Variants in GNAI2 observed in about 807,000 individuals in gnomAD.
The protein encoded by GNAI2 is guanine nucleotide-binding protein G(i) subunit alpha-2.
A neutral mutation model predicts 36.8 loss-of-function variants in GNAI2; 4 were observed. The observed-to-expected ratio is 0.11, with a 90% CI of 0.05 to 0.25. The LOEUF (loss-of-function observed/expected upper bound fraction) is 0.25, where lower values mean the gene tolerates loss of function less well. Ranked by LOEUF, GNAI2 falls within the 10% of genes least tolerant of loss-of-function variation. The pLI, the probability that GNAI2 is intolerant of heterozygous loss-of-function variation, is 1.00. For missense variants in GNAI2, 230 were observed against 481.3 expected (o/e 0.48, Z 4.89); for synonymous variants, 194 against 194.1 (o/e 1.00, Z 0.01).
Position 50,236,215 on chromosome 3 carries a change from A to G in GNAI2, c.-121A>G. On this transcript the variant is annotated 5_prime_UTR_variant, in exon 1 of 9. Transcript: ENST00000313601. This position sits in a 1 kb window ranked among gnomAD's most constrained non-coding sequence, Gnocchi z 4.0. ...AAGGCGCCTCCCGCAGTCGCTCGGAACTGCCGACCCGAGTGCTTCCCGCAG... is the reference window on the plus strand; with the variant it reads ...AAGGCGCCTCCCGCAGTCGCTCGGAGCTGCCGACCCGAGTGCTTCCCGCAG... The G allele has an allele frequency of 8.4e-7, 1 of 1,184,414 alleles. No individual in the cohort carries two copies. Among genetic ancestry groups the G allele is most frequent in the Non-Finnish European group, 1.0e-6 (1 of 958,308 alleles). The allele number at this position is 1,184,414 out of a possible 1,614,324, so 73.4% of individuals were successfully genotyped here. A position where few individuals can be genotyped will look rare whatever the true frequency, so the allele number is the denominator to read the frequency against.
upstream of GNAI2, among the ~76,000 whole-genome samples, chr3:50,235,691 A>AC (rs1177978283): frequency 5.3e-5 from 8 of 152,176 alleles, no homozygotes; most frequent in African/African-American, 1.9e-4. Context: ...GACTGAGAAA[A>AC]CCGCAGTCCA....
Position 50,236,396 on chromosome 3 carries a change from A to C in GNAI2, c.61A>C (p.Lys21Gln), listed in dbSNP as rs1553700385. Residue 21 changes from lysine (K) to glutamine (Q), a missense_variant, in exon 1 of 9, where the codon AAG (lysine) becomes CAG (glutamine). Physicochemically the swap from Lys to Gln is moderately conservative, Grantham distance 53 (BLOSUM62 1). This residue lies in a region of GNAI2 where 132 missense variants were observed against 247.4 expected (regional missense o/e 0.53). Transcript: ENST00000313601. This position sits in a 1 kb window ranked among gnomAD's most constrained non-coding sequence, Gnocchi z 4.0. ...GGCCGAGCGCTCTAAGATGATCGAC[A>C]AGAACCTGCGGGAGGACGGAGAGAA... ...AAAERSKMIDKNLREDGEKAA... is the reference protein window; with the variant it reads ...AAAERSKMIDQNLREDGEKAA... The C allele has an allele frequency of 6.3e-7, 1 of 1,577,646 alleles. No individual in the cohort carries two copies. The highest frequency in any genetic ancestry group is 8.6e-7 in the Non-Finnish European group (1 of 1,165,034).
rs1295916386 is a variant in GNAI2, at chr3:50,258,962, C to T, written c.*619C>T. ...AAAAACTATTTAAAACTGTCAGATCCTGACCAGCAAGCCCCCCCCCAGCCC... is the reference window on the plus strand; with the variant it reads ...AAAAACTATTTAAAACTGTCAGATCTTGACCAGCAAGCCCCCCCCCAGCCC... On this transcript the variant is annotated 3_prime_UTR_variant, in exon 9 of 9. Coordinates refer to ENST00000313601, the MANE Select transcript of GNAI2 (RefSeq NM_002070.4). The T allele has an allele frequency of 6.7e-6, 3 of 450,862 alleles. No homozygotes were observed. Among genetic ancestry groups the T allele is most frequent in the African/African-American group, 6.1e-5 (3 of 49,556 alleles). The allele number at this position is 450,862 out of a possible 1,614,324, so 27.9% of individuals were successfully genotyped here. A position where few individuals can be genotyped will look rare whatever the true frequency, so the allele number is the denominator to read the frequency against.
rs1270296579 is a variant in GNAI2, at chr3:50,244,544, G to C, written c.119-7556G>C. ...CCTCTGAGACTGGGAATTGTCCAGA[G>C]GAGTGAAATGAAAGCATGTTCCTTA... On this transcript the variant is annotated intron_variant, in intron 1 of 8. Coordinates refer to ENST00000313601, the MANE Select transcript of GNAI2 (RefSeq NM_002070.4). Among the ~76,000 whole-genome samples, 3 of 152,222 alleles carry C rather than the reference G, an allele frequency of 2.0e-5. No homozygotes were observed. The East Asian group carries it at 5.8e-4, about 29-fold the overall frequency.
chr3:50,257,753 C>T, intron 8 of GNAI2, 39 bp downstream of exon 8: 1 of 1,061,500 alleles, frequency 9.4e-7, no homozygotes, highest in East Asian at 3.0e-5. Flanking sequence ...TGGGGAAGAA[C>T]TAAGCGGGCC....
At position 50,259,063 on chromosome 3, in the gene GNAI2, G is replaced by A. The variant is rs587751510; in HGVS notation, c.*720G>A. Reference sequence around the variant, plus strand: ...CCCTCTGCTGGCCGCCCCCGTGCGAGCGGCACCCCTGCCCTGCCCTCCACA... The same window carrying A: ...CCCTCTGCTGGCCGCCCCCGTGCGAACGGCACCCCTGCCCTGCCCTCCACA... On this transcript the variant is annotated 3_prime_UTR_variant, in exon 9 of 9. Transcript: ENST00000313601. 1.5e-3 allele frequency: 613 copies of A among 400,764 alleles called. 3 individuals are homozygous for A. Among genetic ancestry groups the A allele is most frequent in the Non-Finnish European group, 2.2e-3 (451 of 204,920 alleles). 24.8% of individuals were successfully genotyped at this position (400,764 alleles called of 1,614,324 possible).
At chr3:50,251,812 C>G (rs1700564755) in intron 1 of GNAI2, 1 of 1,305,288 alleles carries the variant, frequency 7.7e-7, no homozygotes, top group Non-Finnish European at 9.9e-7. Context: ...AGCCAAGACC[C>G]CCCAGGACAG....
Position 50,236,598 on chromosome 3 carries a change from C to G in GNAI2, c.118+145C>G. The G allele has an allele frequency of 8.9e-7, 1 of 1,118,406 alleles. No homozygotes were observed. Among genetic ancestry groups the G allele is most frequent in the East Asian group, 3.2e-5 (1 of 30,960 alleles). The allele number at this position is 1,118,406 out of a possible 1,614,324, so 69.3% of individuals were successfully genotyped here. ...TGGGCCAGGACCAGGGTTGAAAACT[C>G]TAGATTGGACTAGACCTTTGATCCT... is the stretch of plus-strand genomic sequence containing the variant. On this transcript the variant is annotated intron_variant, in intron 1 of 8. Transcript: ENST00000313601. The surrounding 1 kb of genome is among the most constrained non-coding windows in gnomAD (Gnocchi z 4.0).
chr3:50,234,843 C>T (rs1220125245), upstream of GNAI2, among the ~76,000 whole-genome samples: 1 of 152,180 alleles, frequency 6.6e-6, no homozygotes, highest in African/African-American at 2.4e-5. Flanking sequence ...GAGGGTGGGG[C>T]TCTGGGCTGC....
upstream of GNAI2, among the ~76,000 whole-genome samples, chr3:50,233,805 G>A (rs782771593): frequency 1.3e-5 from 2 of 152,066 alleles, no homozygotes; most frequent in Non-Finnish European, 2.9e-5. Context: ...CTCAACAAGA[G>A]AGACATTCAG....
At chr3:50,256,119 T>G (rs1700693463) in intron 4 of GNAI2, 73 bp from the exon 5 acceptor site, 2 of 712,864 alleles carry the variant, frequency 2.8e-6, no homozygotes. Flanking sequence ...AGGGGCCTCT[T>G]GCAGCTGGCC....
chr3:50,250,501 G>T (rs1474187713), intron 1 of GNAI2, among the ~76,000 whole-genome samples: 1 of 152,180 alleles, frequency 6.6e-6, no homozygotes, highest in African/African-American at 2.4e-5. Flanking sequence ...GCATGAGCAG[G>T]GCCCTGGAGA....
At chr3:50,237,912 C>T (rs977852347) in intron 1 of GNAI2, among the ~76,000 whole-genome samples, 4 of 152,224 alleles carry the variant, frequency 2.6e-5, no homozygotes, top group African/African-American at 9.6e-5. Flanking sequence ...GGACCTGTGG[C>T]CGAGGAACAG....
At chr3:50,249,430 AGTGTTG>A (rs1553702145) in intron 1 of GNAI2, among the ~76,000 whole-genome samples, 1 of 151,904 alleles carries the variant, frequency 6.6e-6, no homozygotes. Context: ...CAGGTGGAGG[AGTGTTG>A]GTATGCAGAT....
At chr3:50,236,082 TC>T (rs1553700297), upstream of GNAI2, 1 of 665,530 alleles carries the variant, frequency 1.5e-6, no homozygotes, top group African/African-American at 2.0e-5. The surrounding 1 kb of genome is among the most constrained non-coding windows in gnomAD (Gnocchi z 4.0). Flanking sequence ...ATCAACAGCC[TC>T]TAATCTCCTC....
rs745422685 is a variant in GNAI2 at position 50,259,036 on chromosome 3, G to A, written c.*693G>A. The A allele has an allele frequency of 2.5e-5, 10 of 395,354 alleles. No homozygotes were observed. Among genetic ancestry groups the A allele is most frequent in the East Asian group, 1.5e-4 (2 of 13,404 alleles). The allele number at this position is 395,354 out of a possible 1,614,324, so 24.5% of individuals were successfully genotyped here. ...TGAGTGTGTCTGCGTGTTTACACCC[G>A]TCCCTCTGCTGGCCGCCCCCGTGCG... On this transcript the variant is annotated 3_prime_UTR_variant, in exon 9 of 9. Transcript: ENST00000313601.
chr3:50,256,257 G>T lies in GNAI2; in HGVS notation c.530G>T (p.Arg177Leu). ...DYIPTQQDVL[R>L]TRVKTTGIVE... ...ATCCCCACACAGCAAGATGTGCTAC[G>T]GACCCGCGTAAAGACCACGGGGATC... Residue 177 changes from arginine (R) to leucine (L), a missense_variant, in exon 5 of 9, where the codon CGG becomes CTG. Physicochemically the swap from Arg to Leu is moderately radical, Grantham distance 102. Transcript: ENST00000313601. 1 of 1,605,328 alleles carries T rather than the reference G, an allele frequency of 6.2e-7. No homozygotes were observed. The highest frequency in any genetic ancestry group is 8.5e-7 in the Non-Finnish European group (1 of 1,174,692).
At chr3:50,233,651 T>C (rs587776103), upstream of GNAI2, among the ~76,000 whole-genome samples, 7 of 152,300 alleles carry the variant, frequency 4.6e-5, no homozygotes, top group African/African-American at 1.7e-4. Flanking sequence ...CTGGTGGACA[T>C]TATGTGTCCT....
chr3:50,244,507 C>T (rs1700370318), intron 1 of GNAI2, among the ~76,000 whole-genome samples: 1 of 152,176 alleles, frequency 6.6e-6, no homozygotes, highest in South Asian at 2.1e-4. Context: ...CTATTGAAGT[C>T]CATGGTGAGG....
Sources: allele counts gnomAD v4.1 joint callset (sites outside exome capture counted in the v4.1 genomes callset), GRCh38; gene constraint gnomAD v4.1.1; regional missense constraint gnomAD v4.1.1; non-coding constraint Gnocchi (gnomAD v3.1); transcripts MANE v1.5; gene names NCBI Gene and HGNC (gene_info 2026-07-23, HGNC 2026-07-21).